CHN1: variants seen among roughly 807,000 people sequenced by gnomAD.
CHN1 encodes the protein chimerin 1, also known as N-chimaerin.
A neutral mutation model predicts 59.5 loss-of-function variants in CHN1; 37 were observed. That is an observed-to-expected ratio of 0.62 (90% confidence interval 0.48 to 0.82). The LOEUF is 0.82. CHN1 is among the 40% of genes least tolerant of loss of function. CHN1 has a pLI of 0.00. For missense variants in CHN1, 469 were observed against 571.0 expected (o/e 0.82, Z 1.82); for synonymous variants, 206 against 200.4 (o/e 1.03, Z -0.24).
rs531953671 is a variant in CHN1, at chr2:174,892,425, C to T, written c.261-14297G>A. ...ACAATGTGAGAACACAGTGTTCAGA[C>T]TGCCATCTTGGAAGCACAGTCTGGG... is the stretch of plus-strand genomic sequence containing the variant. On this transcript the variant is annotated intron_variant, in intron 5 of 12. Transcript: ENST00000409900. Among the ~76,000 whole-genome samples the T allele has an allele frequency of 6.6e-4, 100 of 152,326 alleles. No individual in the cohort carries two copies. In the South Asian group the frequency reaches 0.018, roughly 28 times the overall value.
chr2:174,925,148 G>A (rs1312344043), intron 3 of CHN1, among the ~76,000 whole-genome samples: 1 of 152,182 alleles, frequency 6.6e-6, no homozygotes, highest in Non-Finnish European at 1.5e-5. Context: ...TTGGCCAACA[G>A]GGCCCCAAAG....
At chr2:174,950,777 G>GT (rs34886920) in intron 2 of CHN1, among the ~76,000 whole-genome samples, 9,634 of 127,280 alleles carry the variant, frequency 0.076, 870 homozygotes, top group African/African-American at 0.19. Context: ...ATGCAGAGAA[G>GT]TTTTTTTTTT....
intron 1 of CHN1, among the ~76,000 whole-genome samples, chr2:175,003,013 A>T (rs1485328952): frequency 6.6e-6 from 1 of 152,234 alleles, no homozygotes; most frequent in African/African-American, 2.4e-5. Context: ...TGAATACAAC[A>T]GTTCTCAAAC....
At chr2:174,929,143 CCATTGTTTTA>C (rs1689257669) in intron 3 of CHN1, among the ~76,000 whole-genome samples, 1 of 152,216 alleles carries the variant, frequency 6.6e-6, no homozygotes, top group South Asian at 2.1e-4. Context: ...AGCTTGTTTT[CCATTGTTTTA>C]CATTTTCCCA....
intron 3 of CHN1, among the ~76,000 whole-genome samples, chr2:174,930,960 G>C (rs566479943): frequency 6.6e-6 from 1 of 152,142 alleles, no homozygotes; most frequent in East Asian, 1.9e-4. Flanking sequence ...AGTAGAGACA[G>C]GGTTTCACTA....
intron 6 of CHN1, among the ~76,000 whole-genome samples, chr2:174,858,329 T>C (rs1443146793): frequency 6.6e-6 from 1 of 152,202 alleles, no homozygotes; most frequent in African/African-American, 2.4e-5. Flanking sequence ...TAGAGATATA[T>C]ATTGATTCAT....
In CHN1 at chr2:174,809,025, T is replaced by C. The variant is rs1383105242; in HGVS notation, c.982A>G (p.Ile328Val). 2.5e-6 allele frequency: 4 copies of C among 1,608,706 alleles called. No homozygotes were observed. The African/African-American group carries it at 4.0e-5, about 16-fold the overall frequency. The change falls in exon 11 of 13, where the codon ATT (isoleucine) becomes GTT (valine). Residue 328 changes from isoleucine to valine, a missense_variant. Transcript: ENST00000409900. ...ATATCTTCATACATGTTCACAGAAA[T>C]ATCTGCCTTCTCACCATCTTTTAAG... ...AFDRDGEKAD[I>V]SVNMYEDINI...
At chr2:174,812,704 G>A (rs1012003631) in intron 8 of CHN1, among the ~76,000 whole-genome samples, 5 of 151,996 alleles carry the variant, frequency 3.3e-5, no homozygotes, top group Middle Eastern at 3.4e-3. Context: ...ACGCTTCATC[G>A]TTTAATTGCT....
At chr2:174,815,031 A>G (rs555723720) in intron 8 of CHN1, among the ~76,000 whole-genome samples, 2 of 152,222 alleles carry the variant, frequency 1.3e-5, no homozygotes, top group East Asian at 3.9e-4. Flanking sequence ...CACAAATGCT[A>G]AAACCTTTGT....
chr2:174,852,296 C>T (rs372159797), intron 6 of CHN1, among the ~76,000 whole-genome samples: 1 of 151,796 alleles, frequency 6.6e-6, no homozygotes, highest in East Asian at 1.9e-4. Context: ...AAAAAACAAA[C>T]AAAACCGGTA....
chr2:174,905,634 G>A (rs1688522066), intron 5 of CHN1, among the ~76,000 whole-genome samples: 1 of 151,778 alleles, frequency 6.6e-6, no homozygotes, highest in Non-Finnish European at 1.5e-5. Context: ...GCGAAATCTA[G>A]GCTCACTGCA....
At chr2:174,932,506 C>T (rs901435244) in intron 3 of CHN1, among the ~76,000 whole-genome samples, 3 of 152,124 alleles carry the variant, frequency 2.0e-5, no homozygotes, top group African/African-American at 7.2e-5. Context: ...TGGATTTTGC[C>T]GAGTATCTCA....
intron 1 of CHN1, among the ~76,000 whole-genome samples, chr2:174,985,428 A>G (rs1460441973): frequency 1.3e-5 from 2 of 152,190 alleles, no homozygotes; most frequent in Non-Finnish European, 2.9e-5. Context: ...ATTAAATTTC[A>G]TTCATAATTA....
chr2:174,826,183 G>A (rs1021818534), intron 7 of CHN1, among the ~76,000 whole-genome samples: 6 of 152,090 alleles, frequency 3.9e-5, no homozygotes, highest in Admixed American at 1.3e-4. Flanking sequence ...ATGCAGGCAC[G>A]GTAGCCTCTG....
intron 8 of CHN1, among the ~76,000 whole-genome samples, chr2:174,815,200 G>A (rs1317875466): frequency 6.6e-6 from 1 of 152,026 alleles, no homozygotes; most frequent in East Asian, 1.9e-4. Flanking sequence ...AACATAGTGA[G>A]ACCCTGCCTC....
Position 174,941,298 on chromosome 2 carries a change from C to T in CHN1, c.114+3590G>A, listed in dbSNP as rs146226482. The stretch of plus-strand genomic sequence containing the variant: ...ACATTGCCTCCTTTTGGTGGGAAAC[C>T]ATATTTGGAACCCAAAATCTAGTCC... On this transcript the variant is annotated intron_variant, in intron 3 of 12. Transcript: ENST00000409900. 3.7e-3 allele frequency among the ~76,000 whole-genome samples: 570 copies of T among 152,234 alleles called. 4 individuals are homozygous for T. The highest frequency in any genetic ancestry group is 0.013 in the African/African-American group (546 of 41,544).
chr2:174,981,534 A>T (rs895351522), intron 1 of CHN1, among the ~76,000 whole-genome samples: 36 of 152,228 alleles, frequency 2.4e-4, no homozygotes, highest in African/African-American at 8.2e-4. Context: ...TAAAGATGAA[A>T]ACACCGTCTG....
At chr2:174,968,299 G>GA (rs970973582) in intron 1 of CHN1, among the ~76,000 whole-genome samples, 71 of 150,964 alleles carry the variant, frequency 4.7e-4, no homozygotes, top group Non-Finnish European at 8.9e-4. Context: ...AGTCACTAAG[G>GA]AAAAAAAAAG....
intron 3 of CHN1, among the ~76,000 whole-genome samples, chr2:174,935,966 CAT>C (rs545224206): frequency 1.5e-3 from 228 of 152,212 alleles, no homozygotes; most frequent in African/African-American, 5.1e-3. Context: ...AAAAATAAAA[CAT>C]GTGCTACCAA....
Sources: gnomAD v4.1 joint callset for allele counts (sites outside exome capture counted in the v4.1 genomes callset) on GRCh38, gnomAD v4.1.1 for gene constraint, MANE v1.5 for transcripts, NCBI Gene and HGNC (gene_info 2026-07-23, HGNC 2026-07-21) for gene names.